AGPAT3: variants seen among roughly 807,000 people sequenced by gnomAD.
AGPAT3 encodes 1-acylglycerol-3-phosphate O-acyltransferase 3, also known as 1-acyl-sn-glycerol-3-phosphate acyltransferase gamma.
In AGPAT3, 5 loss-of-function variants were observed where a neutral mutation model predicts 47.3. The ratio of observed to expected loss-of-function variants is 0.11; its 90% CI spans 0.06 to 0.22. The LOEUF is 0.22. Among genes scored for constraint, AGPAT3 ranks in the 10% least tolerant of loss-of-function variants. AGPAT3 has a pLI of 1.00. For synonymous variants in AGPAT3, 212 were observed against 208.3 expected (o/e 1.02, Z -0.15); for missense variants, 315 against 493.0 (o/e 0.64, Z 3.42).
In AGPAT3 at chr21:43,920,993, G is replaced by A. The variant is rs549957525; in HGVS notation, c.-49+16974G>A. 6.6e-6 allele frequency among the ~76,000 whole-genome samples: 1 copy of A among 152,250 alleles called. No homozygotes were observed. The highest frequency in any genetic ancestry group is 2.4e-5 in the African/African-American group (1 of 41,548). ...CCGGGCGTGGTGGCGGGCACCTGTA[G>A]TTCCAGCTACTCAGCAGGCTGAGGC... On this transcript the variant is annotated intron_variant, in intron 2 of 9. Transcript: ENST00000291572. The surrounding 1 kb of genome is among the most constrained non-coding windows in gnomAD (Gnocchi z 6.1).
intron 1 of AGPAT3, among the ~76,000 whole-genome samples, chr21:43,902,369 G>A (rs1034173045): frequency 1.3e-5 from 2 of 152,340 alleles, no homozygotes; most frequent in Non-Finnish European, 2.9e-5. Context: ...AGTTAGAACT[G>A]TAAGATTAAT....
intron 3 of AGPAT3, chr21:43,960,637 C>A: frequency 1.9e-6 from 1 of 535,854 alleles, no homozygotes; most frequent in Non-Finnish European, 2.4e-6. Context: ...TATAGTAGCA[C>A]AAAACTAGAA....
At chr21:43,919,678 G>T (rs1333003681) in intron 2 of AGPAT3, 1 of 152,204 alleles carries the variant, frequency 6.6e-6, no homozygotes, top group Non-Finnish European at 1.5e-5. Flanking sequence ...GGATCGAATG[G>T]TGGATCTACT....
chr21:43,970,567 C>A lies in AGPAT3; in HGVS notation c.511-86C>A. ...TCCACAAATTCAGCCACAACCTTTG[C>A]TGCCTGTCAGAGAGGCAGGCCTGGC... On this transcript the variant is annotated intron_variant, in intron 5 of 9. Transcript: ENST00000291572. This position sits in a 1 kb window ranked among gnomAD's most constrained non-coding sequence, Gnocchi z 5.8. The A allele has an allele frequency of 1.4e-6, 2 of 1,429,390 alleles. No individual in the cohort carries two copies. Among genetic ancestry groups the A allele is most frequent in the Middle Eastern group, 2.0e-4 (1 of 4,886 alleles). 88.5% of individuals were successfully genotyped at this position (1,429,390 alleles called of 1,614,324 possible).
intron 1 of AGPAT3, 78 bp downstream of exon 1, chr21:43,865,423 C>CCCGCCGCCGGAGGTCGCCCCTG (rs2085481963): frequency 6.8e-6 from 1 of 146,696 alleles, no homozygotes; most frequent in Non-Finnish European, 1.5e-5. Flanking sequence ...AGGTCGCCCT[C>CCCGCCGCCGGAGGTCGCCCCTG]CCGCCGCCGG....
At chr21:43,887,180 T>C (rs2085997968) in intron 1 of AGPAT3, among the ~76,000 whole-genome samples, 1 of 152,242 alleles carries the variant, frequency 6.6e-6, no homozygotes, top group African/African-American at 2.4e-5. Flanking sequence ...GAAGTAGTAC[T>C]GGCTGTCACT....
At chr21:43,881,236 TC>T (rs1286865429) in intron 1 of AGPAT3, among the ~76,000 whole-genome samples, 1 of 152,236 alleles carries the variant, frequency 6.6e-6, no homozygotes, top group Non-Finnish European at 1.5e-5. Flanking sequence ...GTCAATTTTT[TC>T]TTAAATTAAG....
intron 1 of AGPAT3, chr21:43,882,487 T>C (rs892171590): frequency 6.6e-6 from 1 of 152,302 alleles, no homozygotes; most frequent in African/African-American, 2.4e-5. Flanking sequence ...AAAGCAGGCT[T>C]CCTCTTCCTC....
At chr21:43,968,813 T>C (rs1425753282) in intron 4 of AGPAT3, among the ~76,000 whole-genome samples, 2 of 152,180 alleles carry the variant, frequency 1.3e-5, no homozygotes, top group African/African-American at 4.8e-5. Context: ...TTCATTGCAG[T>C]CAAAGCCCCT....
intron 2 of AGPAT3, among the ~76,000 whole-genome samples, chr21:43,947,487 C>T (rs1039242025): frequency 2.0e-5 from 3 of 152,196 alleles, no homozygotes; most frequent in Admixed American, 6.5e-5. Flanking sequence ...CTGGAAACGT[C>T]GCAGTCTCCT....
At chr21:43,867,620 C>T (rs4819337) in intron 1 of AGPAT3, 51,493 of 152,296 alleles carry the variant, frequency 0.34, 9,160 homozygotes, top group Non-Finnish European at 0.4. Context: ...TCTGCTTCCA[C>T]GCTTTGCCCC....
chr21:43,973,107 A>G (rs964354951), intron 7 of AGPAT3, among the ~76,000 whole-genome samples: 1 of 152,256 alleles, frequency 6.6e-6, no homozygotes, highest in Non-Finnish European at 1.5e-5. Context: ...GTTTGTGAAC[A>G]TAAACATAAG....
At chr21:43,918,977 T>A (rs1166686952) in intron 2 of AGPAT3, among the ~76,000 whole-genome samples, 1 of 152,186 alleles carries the variant, frequency 6.6e-6, no homozygotes, top group African/African-American at 2.4e-5. Context: ...ATCACCATCG[T>A]TATTACTTAA....
At chr21:43,979,880 CCA>C (rs1015417623) in intron 8 of AGPAT3, among the ~76,000 whole-genome samples, 3 of 152,180 alleles carry the variant, frequency 2.0e-5, no homozygotes, top group Non-Finnish European at 2.9e-5. Flanking sequence ...CACCCCAACC[CCA>C]GTTTCCAGCA....
intron 7 of AGPAT3, among the ~76,000 whole-genome samples, chr21:43,976,400 A>G (rs1479426936): frequency 6.6e-6 from 1 of 152,148 alleles, no homozygotes; most frequent in African/African-American, 2.4e-5. Flanking sequence ...GGGTTTCACC[A>G]TGTTGGTCAG....
chr21:43,909,631 C>A (rs1376835471), intron 2 of AGPAT3, among the ~76,000 whole-genome samples: 2 of 152,202 alleles, frequency 1.3e-5, no homozygotes, highest in East Asian at 3.9e-4. Flanking sequence ...TTAAAGTGTT[C>A]TTGAGTCTTT....
At chr21:43,909,726 G>C (rs2086589091) in intron 2 of AGPAT3, among the ~76,000 whole-genome samples, 1 of 152,254 alleles carries the variant, frequency 6.6e-6, no homozygotes, top group South Asian at 2.1e-4. Flanking sequence ...CCTCGTTGCA[G>C]GAGAGCCTGG....
chr21:43,966,748 A>ACCCCCCCC (rs1415659600), intron 3 of AGPAT3: 1 of 151,682 alleles, frequency 6.6e-6, no homozygotes, highest in Non-Finnish European at 1.5e-5. Context: ...GTATAAAAGA[A>ACCCCCCCC]CCCCGGGCAA....
chr21:43,881,352 A>C (rs2085850200), intron 1 of AGPAT3, among the ~76,000 whole-genome samples: 1 of 152,230 alleles, frequency 6.6e-6, no homozygotes, highest in East Asian at 1.9e-4. Flanking sequence ...AGGGTTGGTG[A>C]AGCTGAAAAC....
Sources: allele counts gnomAD v4.1 joint callset (sites outside exome capture counted in the v4.1 genomes callset), GRCh38; gene constraint gnomAD v4.1.1; non-coding constraint Gnocchi (gnomAD v3.1); transcripts MANE v1.5; gene names NCBI Gene and HGNC (gene_info 2026-07-23, HGNC 2026-07-21).